SRRM2: variants seen among roughly 807,000 people sequenced by gnomAD.
SRRM2 encodes serine/arginine repetitive matrix 2.
SRRM2 carries 30 observed loss-of-function variants against 213.8 expected under a neutral mutation model. The ratio of observed to expected loss-of-function variants is 0.14; its 90% CI spans 0.10 to 0.19. The LOEUF is 0.19. SRRM2 is among the 10% of genes least tolerant of loss of function. The pLI, the probability that SRRM2 is intolerant of heterozygous loss-of-function variation, is 1.00. For synonymous variants in SRRM2, 2,025 were observed against 1,377.7 expected (o/e 1.47, Z -10.40); for missense variants, 4,904 against 3,647.0 (o/e 1.34, Z -8.88).
At chr16:2,753,894 G>C (rs556641323) in intron 1 of SRRM2, among the ~76,000 whole-genome samples, 1 of 152,134 alleles carries the variant, frequency 6.6e-6, no homozygotes, top group East Asian at 1.9e-4. Context: ...GACAACCCTT[G>C]TCTCCCCTTT....
Position 2,756,229 on chromosome 16 carries a change from T to C in SRRM2, c.-31-105T>C, listed in dbSNP as rs2068135008. The C allele has an allele frequency of 6.4e-6, 7 of 1,087,852 alleles. No individual in the cohort carries two copies. In the South Asian group the frequency reaches 1.2e-4, roughly 18 times the overall value. The allele number at this position is 1,087,852 out of a possible 1,614,324, so 67.4% of individuals were successfully genotyped here. A position where few individuals can be genotyped will look rare whatever the true frequency, so the allele number is the denominator to read the frequency against. ...ATACAGCGAAGACTTAGTGTGAAGA[T>C]CAATGTTGAATTAGGGATGAAGGAG... On this transcript the variant is annotated intron_variant, in intron 1 of 14. Coordinates refer to ENST00000301740, the MANE Select transcript of SRRM2 (RefSeq NM_016333.4).
rs1596276285 is a variant in SRRM2 at position 2,762,293 on chromosome 16, C to T, written c.1765C>T (p.Pro589Ser). 3 of 1,614,020 alleles carry T rather than the reference C, an allele frequency of 1.9e-6. No individual in the cohort carries two copies. ...CCGGGGCAGGTCCCGCTCTAGAACA[C>T]CTGCCAGGCGGAGATCACGATCCAG... is the stretch of plus-strand genomic sequence containing the variant. ...ARRGRSRSRT[P>S]ARRRSRSRTP... Residue 589 changes from proline (P) to serine (S), a missense_variant, in exon 11 of 15, where the codon CCT becomes TCT. Coordinates refer to ENST00000301740, the MANE Select transcript of SRRM2 (RefSeq NM_016333.4).
In SRRM2 at chr16:2,765,334, T is replaced by C. The variant is rs2068501590; in HGVS notation, c.4806T>C (p.Pro1602=). The part of the protein sequence containing the change: ...SPRRSRSGSS[P]EVKDKPRAAP... ...GGCGCAGTAGGTCTGGTTCCTCCCC[T>C]GAAGTGAAAGATAAGCCAAGAGCAG... The change falls in exon 11 of 15, where the codon CCT becomes CCC. Residue 1602 remains proline (P), a synonymous_variant. Transcript: ENST00000301740. The C allele has an allele frequency of 1.9e-6, 3 of 1,614,096 alleles. No homozygotes were observed. The East Asian group carries it at 6.7e-5, about 36-fold the overall frequency.
rs776979914 is a variant in SRRM2 at position 2,766,434 on chromosome 16, G to A, written c.5906G>A (p.Arg1969Gln). 14 of 1,613,936 alleles carry A rather than the reference G, an allele frequency of 8.7e-6. No homozygotes were observed. Among genetic ancestry groups the A allele is most frequent in the Middle Eastern group, 3.3e-4 (2 of 6,084 alleles). Residue 1969 changes from arginine (R) to glutamine (Q), a missense_variant, in exon 11 of 15, where the codon CGA (arginine) becomes CAA (glutamine). Transcript: ENST00000301740. This position sits in a 1 kb window ranked among gnomAD's most constrained non-coding sequence, Gnocchi z 7.0. ...AGGACTCCACCAGTAACCAGGAGGC[G>A]ATCTCGAAGCAGAACTTCGCCTATC... is the stretch of plus-strand genomic sequence containing the variant. ...RSRTPPVTRR[R>Q]SRSRTSPITR...
At position 2,768,785 on chromosome 16, in the gene SRRM2, T is replaced by C. The variant is rs766268731; in HGVS notation, c.7734-212T>C. On this transcript the variant is annotated intron_variant, in intron 11 of 14. Coordinates refer to ENST00000301740, the MANE Select transcript of SRRM2 (RefSeq NM_016333.4). Reference sequence around the variant, plus strand: ...TTCTTGAGGTTTAACCTTGATCCCTTATGCTGCGGGCCCCAGCCTGTTGCT... The same window carrying C: ...TTCTTGAGGTTTAACCTTGATCCCTCATGCTGCGGGCCCCAGCCTGTTGCT... 9 of 901,858 alleles carry C rather than the reference T, an allele frequency of 1.0e-5. No homozygotes were observed. The East Asian group carries it at 1.8e-4, about 18-fold the overall frequency. The allele number at this position is 901,858 out of a possible 1,614,324, so 55.9% of individuals were successfully genotyped here.
intron 9 of SRRM2, 169 bp from the exon 10 acceptor site, chr16:2,760,132 A>G (rs1317722056): frequency 1.5e-5 from 10 of 673,868 alleles, no homozygotes; most frequent in Admixed American, 2.6e-5. Context: ...AGAAGAACCA[A>G]AGTGGACTGT....
Position 2,763,584 on chromosome 16 carries a change from A to G in SRRM2, c.3056A>G (p.Glu1019Gly). ...GGATCAAAGTCACCATGTCCCCAAG[A>G]GAAGTCTAAAGACTCACTAGTTCAA... ...LSGSKSPCPQ[E>G]KSKDSLVQSC... The change falls in exon 11 of 15, where the codon GAG (glutamate) becomes GGG (glycine). Residue 1019 changes from glutamate (E) to glycine (G), a missense_variant. Transcript: ENST00000301740. 2 of 1,614,178 alleles carry G rather than the reference A, an allele frequency of 1.2e-6. No individual in the cohort carries two copies. Among genetic ancestry groups the G allele is most frequent in the East Asian group, 2.2e-5 (1 of 44,880 alleles).
chr16:2,770,476 C>G lies in SRRM2; in HGVS notation c.8135+11C>G, dbSNP rs374989990. 6 of 1,599,158 alleles carry G rather than the reference C, an allele frequency of 3.8e-6. No homozygotes were observed. The highest frequency in any genetic ancestry group is 5.1e-6 in the Non-Finnish European group (6 of 1,173,356). ...ACGGGACCAGCAGAGGTAAGGCCAA[C>G]TGCAGGTGTCAGCACCCAGCCTGTC... is the stretch of plus-strand genomic sequence containing the variant. On this transcript the variant is annotated intron_variant, in intron 13 of 14. Transcript: ENST00000301740.
rs761150538 is a variant in SRRM2 at position 2,752,821 on chromosome 16, T to TCGGAGGCGGCGGG, written c.-43_-32+1dup. ...GCGGCGGCGGCAAGACCTCTCCCCCTCGGAGGCGGCGGGCGGAGGCGGCGG... is the reference window on the plus strand; with the variant it reads ...GCGGCGGCGGCAAGACCTCTCCCCCTCGGAGGCGGCGGGCGGAGGCGGCGGGCGGAGGCGGCGG... On this transcript the variant is annotated 5_prime_UTR_variant, in exon 1 of 15. Coordinates refer to ENST00000301740, the MANE Select transcript of SRRM2 (RefSeq NM_016333.4). 228 of 304,788 alleles carry TCGGAGGCGGCGGG rather than the reference T, an allele frequency of 7.5e-4. 7 individuals are homozygous for TCGGAGGCGGCGGG. Among genetic ancestry groups the TCGGAGGCGGCGGG allele is most frequent in the South Asian group, 3.3e-3 (144 of 43,930 alleles). 18.9% of individuals were successfully genotyped at this position (304,788 alleles called of 1,614,324 possible).
rs1291853036 is a variant in SRRM2, at chr16:2,766,993, C to T, written c.6465C>T (p.Ser2155=). ...CTGTCCTGCAGCAAGCCGGCGGCTC[C>T]ATGATGGATGGTCCAGGTCCCCGAA... The part of the protein sequence containing the change: ...PMSVLQQAGG[S]MMDGPGPRIP... The change falls in exon 11 of 15, where the codon TCC becomes TCT. Residue 2155 remains serine (S), a synonymous_variant. Transcript: ENST00000301740. This position sits in a 1 kb window ranked among gnomAD's most constrained non-coding sequence, Gnocchi z 7.0. 1 of 1,614,132 alleles carries T rather than the reference C, an allele frequency of 6.2e-7. No homozygotes were observed. Among genetic ancestry groups the T allele is most frequent in the East Asian group, 2.2e-5 (1 of 44,874 alleles).
intron 3 of SRRM2, 99 bp from the exon 4 acceptor site, chr16:2,757,682 G>A (rs1596264582): frequency 6.3e-7 from 1 of 1,581,108 alleles, no homozygotes; most frequent in Non-Finnish European, 8.6e-7. Context: ...GCTTTCGTCT[G>A]CCTTTCCCAT....
rs765132684 is a variant in SRRM2 at position 2,771,264 on chromosome 16, G to T, written c.*397G>T. The T allele has an allele frequency of 5.3e-6, 4 of 758,220 alleles. No homozygotes were observed. The highest frequency in any genetic ancestry group is 2.3e-4 in the Middle Eastern group (1 of 4,438). 47.0% of individuals were successfully genotyped at this position (758,220 alleles called of 1,614,324 possible). A position where few individuals can be genotyped will look rare whatever the true frequency, so the allele number is the denominator to read the frequency against. On this transcript the variant is annotated 3_prime_UTR_variant, in exon 15 of 15. Transcript: ENST00000301740. Reference sequence around the variant, plus strand: ...AGGTGTTCTTGGAAGGAAGGGGCAGGAGTTGGAATTAGTTGGTCCCTACTG... The same window carrying T: ...AGGTGTTCTTGGAAGGAAGGGGCAGTAGTTGGAATTAGTTGGTCCCTACTG...
At position 2,765,432 on chromosome 16, in the gene SRRM2, G is replaced by A. The variant is rs150180960; in HGVS notation, c.4904G>A (p.Arg1635Gln). 125 of 1,614,094 alleles carry A rather than the reference G, an allele frequency of 7.7e-5. 1 individual carries two copies. In the African/African-American group the frequency reaches 1.1e-3, roughly 15 times the overall value. Residue 1635 changes from arginine (R) to glutamine (Q), a missense_variant, in exon 11 of 15, where the codon CGA becomes CAA. Arg to Gln is a conservative substitution (Grantham distance 43, BLOSUM62 1). Transcript: ENST00000301740. ...KAPAPRALPRRSRSGSSSKGR... is the reference protein window; with the variant it reads ...KAPAPRALPRQSRSGSSSKGR... The stretch of plus-strand genomic sequence containing the variant: ...CCAGCCCCTCGGGCCCTTCCCAGAC[G>A]AAGCAGATCAGGTTCATCAAGCAAA...
At position 2,765,399 on chromosome 16, in the gene SRRM2, C is replaced by G; in HGVS notation, c.4871C>G (p.Pro1624Arg). 6.2e-7 allele frequency: 1 copy of G among 1,614,162 alleles called. No individual in the cohort carries two copies. Residue 1624 changes from proline to arginine, a missense_variant, in exon 11 of 15, where the codon CCT (proline) becomes CGT (arginine). By Grantham distance (103) the Pro-to-Arg change is moderately radical (BLOSUM62 -2). Coordinates refer to ENST00000301740, the MANE Select transcript of SRRM2 (RefSeq NM_016333.4). ...AGTGGTTCTGATTCCTCTCCTGAACCTAAAGCTCCAGCCCCTCGGGCCCTT... is the reference window on the plus strand; with the variant it reads ...AGTGGTTCTGATTCCTCTCCTGAACGTAAAGCTCCAGCCCCTCGGGCCCTT... ...AQSGSDSSPE[P>R]KAPAPRALPR... is the part of the protein sequence containing the mutation.
chr16:2,765,237 G>A lies in SRRM2; in HGVS notation c.4709G>A (p.Arg1570Lys), dbSNP rs756961481. The A allele has an allele frequency of 1.2e-5, 20 of 1,613,854 alleles. No individual in the cohort carries two copies. Among genetic ancestry groups the A allele is most frequent in the Non-Finnish European group, 1.5e-5 (18 of 1,179,938 alleles). Reference protein sequence around the residue: ...DSSPDSKAKTRTPLRQRSRSG... With the variant: ...DSSPDSKAKTKTPLRQRSRSG... The stretch of plus-strand genomic sequence containing the variant: ...TCTCCAGATTCTAAAGCCAAGACAA[G>A]AACCCCACTTCGGCAGAGGAGTCGG... Residue 1570 changes from arginine to lysine, a missense_variant, in exon 11 of 15, where the codon AGA becomes AAA. Transcript: ENST00000301740.
chr16:2,767,545 G>C lies in SRRM2; in HGVS notation c.7017G>C (p.Val2339=). Residue 2339 remains valine (V), a synonymous_variant, in exon 11 of 15, where the codon GTG becomes GTC. Coordinates refer to ENST00000301740, the MANE Select transcript of SRRM2 (RefSeq NM_016333.4). ...AGGCTCCAGCCTCTGCAAACCTGGT[G>C]GGTCCTCGGTCTGCACATGCCACAG... ...TPQAPASANL[V]GPRSAHATAP... is the part of the protein sequence containing the mutation. The C allele has an allele frequency of 6.2e-7, 1 of 1,614,186 alleles. No homozygotes were observed. The highest frequency in any genetic ancestry group is 8.5e-7 in the Non-Finnish European group (1 of 1,180,034).
At chr16:2,754,792 G>T (rs1567216659) in intron 1 of SRRM2, among the ~76,000 whole-genome samples, 1 of 152,118 alleles carries the variant, frequency 6.6e-6, no homozygotes, top group South Asian at 2.1e-4. Flanking sequence ...AATGAGGATT[G>T]GGGTGTAGAG....
chr16:2,758,605 T>C (rs534749309), intron 5 of SRRM2, 58 bp downstream of exon 5: 2 of 1,531,496 alleles, frequency 1.3e-6, no homozygotes, highest in South Asian at 2.2e-5. Flanking sequence ...GGTGTACCTT[T>C]CTCTCTGGAA....
intron 11 of SRRM2, 161 bp from the exon 12 acceptor site, chr16:2,768,836 C>G: frequency 1.7e-5 from 25 of 1,453,908 alleles, no homozygotes; most frequent in Non-Finnish European, 2.3e-5. Flanking sequence ...TGGGTCAGCT[C>G]GCACCACTGC....
Sources: gnomAD v4.1 joint callset for allele counts (sites outside exome capture counted in the v4.1 genomes callset) on GRCh38, gnomAD v4.1.1 for gene constraint, Gnocchi (gnomAD v3.1) non-coding constraint, MANE v1.5 for transcripts, NCBI Gene and HGNC (gene_info 2026-07-23, HGNC 2026-07-21) for gene names.